Variants in ALPK3 observed in about 807,000 individuals in gnomAD.
ALPK3 encodes the protein alpha kinase 3, also known as alpha-protein kinase 3.
Under a neutral mutation model 140.0 loss-of-function variants are expected in ALPK3, and 102 were observed. The ratio of observed to expected loss-of-function variants is 0.73; its 90% CI spans 0.62 to 0.86. The LOEUF is 0.86. ALPK3 is among the 40% of genes least tolerant of loss of function. The probability of loss-of-function intolerance (pLI) is 0.00; values close to 1 mark genes in which losing one functional copy is unlikely to be tolerated. For missense variants in ALPK3, 2,254 were observed against 2,208.2 expected (o/e 1.02, Z -0.42); for synonymous variants, 938 against 898.5 (o/e 1.04, Z -0.79).
chr15:84,849,015 G>T (rs1248829171), intron 5 of ALPK3, among the ~76,000 whole-genome samples: 2 of 152,020 alleles, frequency 1.3e-5, no homozygotes, highest in Non-Finnish European at 2.9e-5. Context: ...GGTGGTGCAT[G>T]CCTGTAATCC....
At chr15:84,868,085 A>G (rs750932490) in intron 13 of ALPK3, 26 bp from the exon 14 acceptor site, 2 of 1,592,478 alleles carry the variant, frequency 1.3e-6, no homozygotes, top group African/African-American at 2.7e-5. Context: ...TGGGACCCCC[A>G]CTCAGCTCTT....
At chr15:84,835,699 C>A (rs1963590988) in intron 3 of ALPK3, among the ~76,000 whole-genome samples, 1 of 152,166 alleles carries the variant, frequency 6.6e-6, no homozygotes, top group South Asian at 2.1e-4. Context: ...AGCGGGAGAT[C>A]AGAGGGACTG....
rs755742676 is a variant in ALPK3, at chr15:84,858,532, G to A, written c.3794G>A (p.Arg1265Lys). ...AAGCAGGAGACACTGGCCAAGCCCA[G>A]GAAAGCCAAAGACCTGCTGAAAGGT... The part of the protein sequence containing the change: ...EGKQETLAKP[R>K]KAKDLLKAPQ... The change falls in exon 6 of 14, where the codon AGG becomes AAG. Residue 1265 changes from arginine (R) to lysine (K), a missense_variant. This residue lies in a region of ALPK3 where 2,088 missense variants were observed against 2,022.9 expected (regional missense o/e 1.03). Transcript: ENST00000258888. 1.3e-5 allele frequency: 21 copies of A among 1,588,580 alleles called. No individual in the cohort carries two copies. In the Admixed American group the frequency reaches 2.6e-4, roughly 20 times the overall value.
Position 84,858,117 on chromosome 15 carries a change from G to A in ALPK3, c.3379G>A (p.Gly1127Arg). 2 of 1,579,842 alleles carry A rather than the reference G, an allele frequency of 1.3e-6. No homozygotes were observed. The highest frequency in any genetic ancestry group is 1.7e-6 in the Non-Finnish European group (2 of 1,165,672). Residue 1127 changes from glycine to arginine, a missense_variant, in exon 6 of 14, where the codon GGG (glycine) becomes AGG (arginine). Gly to Arg is a moderately radical substitution (Grantham distance 125, BLOSUM62 -2). This residue lies in a region of ALPK3 where 2,088 missense variants were observed against 2,022.9 expected (regional missense o/e 1.03). Transcript: ENST00000258888. ...GGGTGGGCAGGCAGCCCCTGGACAG[G>A]GGCCCTCAGCAGAGAGCATAGCCCA... ...EAGGQAAPGQ[G>R]PSAESIAQEP...
Position 84,840,915 on chromosome 15 carries a change from C to G in ALPK3, c.1636C>G (p.His546Asp). 1 of 1,600,860 alleles carries G rather than the reference C, an allele frequency of 6.2e-7. No homozygotes were observed. Among genetic ancestry groups the G allele is most frequent in the Non-Finnish European group, 8.5e-7 (1 of 1,173,700 alleles). ...CAGCACGTTGCAGGGGCAAGCAGGC[C>G]ACAGGACTCCAGGAGAGGTAAGTGT... ...RDSTLQGQAG[H>D]RTPGEVLECQ... Residue 546 changes from histidine (H) to aspartate (D), a missense_variant, in exon 5 of 14, where the codon CAC (histidine) becomes GAC (aspartate). Physicochemically the swap from His to Asp is moderately conservative, Grantham distance 81. This residue lies in a region of ALPK3 where 2,088 missense variants were observed against 2,022.9 expected (regional missense o/e 1.03). Coordinates refer to ENST00000258888, the MANE Select transcript of ALPK3 (RefSeq NM_020778.5).
intron 5 of ALPK3, among the ~76,000 whole-genome samples, chr15:84,841,345 A>C (rs1240203969): frequency 2.6e-5 from 4 of 152,224 alleles, no homozygotes; most frequent in African/African-American, 9.6e-5. Context: ...TTGGCTACTC[A>C]TTCGATTTTT....
intron 5 of ALPK3, among the ~76,000 whole-genome samples, chr15:84,849,873 C>G (rs1409986923): frequency 6.6e-6 from 1 of 150,746 alleles, no homozygotes; most frequent in Admixed American, 6.6e-5. Context: ...AAAATAAATC[C>G]AAAGCAAACA....
At chr15:84,824,556 T>G (rs536206220) in intron 2 of ALPK3, among the ~76,000 whole-genome samples, 42 of 152,216 alleles carry the variant, frequency 2.8e-4, no homozygotes, top group Non-Finnish European at 6.0e-4. Context: ...CCATGGTCCT[T>G]GATGGGGATG....
intron 12 of ALPK3, 58 bp from the exon 13 acceptor site, chr15:84,867,259 T>C (rs367837829): frequency 7.9e-5 from 123 of 1,548,278 alleles, no homozygotes; most frequent in Non-Finnish European, 1.0e-4. Context: ...CTGCTGGAGA[T>C]GTGGGGGCTT....
intron 10 of ALPK3, 93 bp from the exon 11 acceptor site, chr15:84,863,459 C>T: frequency 3.5e-6 from 4 of 1,133,792 alleles, no homozygotes; most frequent in Non-Finnish European, 5.1e-6. Flanking sequence ...TCTCAGTCCC[C>T]TAACAGAATA....
chr15:84,821,540 G>A (rs919827335), intron 1 of ALPK3, among the ~76,000 whole-genome samples: 6 of 152,158 alleles, frequency 3.9e-5, no homozygotes, highest in Non-Finnish European at 7.3e-5. Flanking sequence ...TTCTGCCCAC[G>A]CGGCCTCCAG....
chr15:84,851,971 C>T (rs1464414478), intron 5 of ALPK3, among the ~76,000 whole-genome samples: 1 of 152,160 alleles, frequency 6.6e-6, no homozygotes, highest in African/African-American at 2.4e-5. Flanking sequence ...GCCTGTAACC[C>T]TGGCCAAGAG....
Position 84,842,898 on chromosome 15 carries a change from A to G in ALPK3, c.1653+1966A>G, listed in dbSNP as rs201231490. Among the ~76,000 whole-genome samples, 24 of 152,316 alleles carry G rather than the reference A, an allele frequency of 1.6e-4. No homozygotes were observed. In the East Asian group the frequency reaches 4.2e-3, roughly 27 times the overall value. On this transcript the variant is annotated intron_variant, in intron 5 of 13. Transcript: ENST00000258888. ...GGCTGCTGCACATGCCTGACAGCCC[A>G]CAGGCTGGACAGCAGGGACTTTTGG...
chr15:84,842,060 A>G (rs749294472), intron 5 of ALPK3, among the ~76,000 whole-genome samples: 14 of 152,116 alleles, frequency 9.2e-5, no homozygotes, highest in Non-Finnish European at 1.9e-4. Flanking sequence ...GTTTTTTGAG[A>G]TGGAGTTGCC....
rs767340370 is a variant in ALPK3, at chr15:84,864,564, C to A, written c.4622C>A (p.Pro1541Gln). ...CSREWGCAEAPTASGSSEAMQ... is the reference protein window; with the variant it reads ...CSREWGCAEAQTASGSSEAMQ... ...CGGGAATGGGGCTGTGCTGAGGCTC[C>A]GACAGCATCTGGCAGCTCTGAGGCC... The change falls in exon 12 of 14, where the codon CCG (proline) becomes CAG (glutamine). Residue 1541 changes from proline to glutamine, a missense_variant. By Grantham distance (76) the Pro-to-Gln change is moderately conservative (BLOSUM62 -1). Around this residue, in one of 3 missense-constraint regions of ALPK3, gnomAD observed 2,088 missense variants for 2,022.9 expected, o/e 1.03. Coordinates refer to ENST00000258888, the MANE Select transcript of ALPK3 (RefSeq NM_020778.5). 1 of 1,614,166 alleles carries A rather than the reference C, an allele frequency of 6.2e-7. No individual in the cohort carries two copies. Among genetic ancestry groups the A allele is most frequent in the Non-Finnish European group, 8.5e-7 (1 of 1,180,036 alleles).
rs141673424 is a variant in ALPK3, at chr15:84,857,136, C to G, written c.2398C>G (p.Leu800Val). ...GGGTCCCCTGTCAGGGAACCTCATG[C>G]TCCCAGCACAGCCGCCCCATGAGGG... ...VLGPLSGNLM[L>V]PAQPPHEGSV... is the part of the protein sequence containing the mutation. The change falls in exon 6 of 14, where the codon CTC becomes GTC. Residue 800 changes from leucine to valine, a missense_variant. This residue lies in a region of ALPK3 where 2,088 missense variants were observed against 2,022.9 expected (regional missense o/e 1.03). Coordinates refer to ENST00000258888, the MANE Select transcript of ALPK3 (RefSeq NM_020778.5). The G allele has an allele frequency of 1.2e-6, 2 of 1,614,142 alleles. No homozygotes were observed. The highest frequency in any genetic ancestry group is 1.7e-6 in the Non-Finnish European group (2 of 1,179,978).
chr15:84,856,950 A>T lies in ALPK3; in HGVS notation c.2212A>T (p.Thr738Ser). The change falls in exon 6 of 14, where the codon ACC (threonine) becomes TCC (serine). Residue 738 changes from threonine to serine, a missense_variant. By Grantham distance (58) the Thr-to-Ser change is moderately conservative. Coordinates refer to ENST00000258888, the MANE Select transcript of ALPK3 (RefSeq NM_020778.5). ...VATSLGPPSR[T>S]PKLPPTAGPR... ...AACCAGCCTCGGCCCACCATCCAGA[A>T]CCCCCAAACTCCCACCTACAGCGGG... 1 of 1,613,910 alleles carries T rather than the reference A, an allele frequency of 6.2e-7. No homozygotes were observed. Among genetic ancestry groups the T allele is most frequent in the South Asian group, 1.1e-5 (1 of 91,058 alleles).
intron 10 of ALPK3, 138 bp from the exon 11 acceptor site, chr15:84,863,414 A>C (rs1283208187): frequency 5.9e-6 from 4 of 678,232 alleles, no homozygotes; most frequent in Non-Finnish European, 7.5e-6. Context: ...AGCAGGGAGG[A>C]GTAAGCCCTT....
rs1322269368 is a variant in ALPK3 at position 84,840,333 on chromosome 15, C to T, written c.1054C>T (p.Pro352Ser). The change falls in exon 5 of 14, where the codon CCT becomes TCT. Residue 352 changes from proline (P) to serine (S), a missense_variant. Around this residue, in one of 3 missense-constraint regions of ALPK3, gnomAD observed 2,088 missense variants for 2,022.9 expected, o/e 1.03. Coordinates refer to ENST00000258888, the MANE Select transcript of ALPK3 (RefSeq NM_020778.5). ...AAACTGCATCCCCAGCTCAGACGAG[C>T]CTGACTCCTGTGGGACTCAGGGGCC... ...SENCIPSSDE[P>S]DSCGTQGPVG... The T allele has an allele frequency of 9.3e-6, 15 of 1,613,812 alleles. No individual in the cohort carries two copies. Among genetic ancestry groups the T allele is most frequent in the Non-Finnish European group, 1.2e-5 (14 of 1,179,962 alleles).
Sources: gnomAD v4.1 joint callset for allele counts (sites outside exome capture counted in the v4.1 genomes callset) on GRCh38, gnomAD v4.1.1 for gene constraint, gnomAD v4.1.1 regional missense constraint, MANE v1.5 for transcripts, NCBI Gene and HGNC (gene_info 2026-07-23, HGNC 2026-07-21) for gene names.